FLYWCH1: variants seen among roughly 807,000 people sequenced by gnomAD.
The protein encoded by FLYWCH1 is FLYWCH-type zinc finger 1.
A neutral mutation model predicts 66.4 loss-of-function variants in FLYWCH1; 75 were observed. That is an observed-to-expected ratio of 1.13 (90% CI 0.94 to 1.37). The LOEUF is 1.37. Among genes scored for constraint, FLYWCH1 ranks in the 40% most tolerant of loss-of-function variants. The probability of loss-of-function intolerance (pLI) is 0.00; values close to 1 mark genes in which losing one functional copy is unlikely to be tolerated. For synonymous variants in FLYWCH1, 595 were observed against 429.9 expected (o/e 1.38, Z -4.75); for missense variants, 1,334 against 1,001.8 (o/e 1.33, Z -4.48).
At chr16:2,938,700 C>T (rs1292874513) in intron 8 of FLYWCH1, among the ~76,000 whole-genome samples, 5 of 95,050 alleles carry the variant, frequency 5.3e-5, no homozygotes, top group African/African-American at 1.4e-4. Context: ...GCAAGCTCCG[C>T]CTCCCGGGTT....
intron 6 of FLYWCH1, chr16:2,934,709 G>T (rs773708441): frequency 2.0e-5 from 9 of 454,774 alleles, no homozygotes; most frequent in Non-Finnish European, 4.4e-6. Context: ...GGACTTGAGA[G>T]CTGTGATTGT....
Position 2,933,542 on chromosome 16 carries a change from C to A in FLYWCH1, c.1209C>A (p.Pro403=), listed in dbSNP as rs763552806. The A allele has an allele frequency of 6.2e-7, 1 of 1,607,968 alleles. No homozygotes were observed. Among genetic ancestry groups the A allele is most frequent in the Non-Finnish European group, 8.5e-7 (1 of 1,177,010 alleles). The change falls in exon 5 of 10, where the codon CCC becomes CCA. Residue 403 remains proline (P), a synonymous_variant. Coordinates refer to ENST00000253928, the MANE Select transcript of FLYWCH1 (RefSeq NM_001308068.2). ...KVEDQELPTQ[P]EAPDEHQDMD... is the part of the protein sequence containing the mutation. Reference sequence around the variant, plus strand: ...AAGACCAGGAGCTGCCAACCCAGCCCGAGGCCCCAGACGAGCACCAGGACA... The same window carrying A: ...AAGACCAGGAGCTGCCAACCCAGCCAGAGGCCCCAGACGAGCACCAGGACA...
intron 2 of FLYWCH1, among the ~76,000 whole-genome samples, chr16:2,916,033 G>C (rs887216885): frequency 1.3e-5 from 2 of 151,954 alleles, no homozygotes; most frequent in African/African-American, 4.8e-5. Flanking sequence ...GTCTCCATAA[G>C]GAAACTTAGA....
Position 2,929,651 on chromosome 16 carries a change from G to A in FLYWCH1, c.-35G>A, listed in dbSNP as rs370976807. Reference sequence around the variant, plus strand: ...CACTCCAGGTTCCTTGCTGGGTGCTGAGCGTGGCCTGAGGGACAGGCCCTG... The same window carrying A: ...CACTCCAGGTTCCTTGCTGGGTGCTAAGCGTGGCCTGAGGGACAGGCCCTG... On this transcript the variant is annotated 5_prime_UTR_variant, in exon 3 of 10. Transcript: ENST00000253928. The A allele has an allele frequency of 3.9e-5, 62 of 1,588,268 alleles. No individual in the cohort carries two copies. The African/African-American group carries it at 7.5e-4, about 19-fold the overall frequency.
intron 8 of FLYWCH1, 27 bp from the exon 9 acceptor site, chr16:2,940,005 T>C: frequency 6.3e-7 from 1 of 1,582,514 alleles, no homozygotes. Context: ...GAATTATTAA[T>C]TCATATTTTC....
chr16:2,936,726 C>T (rs769387617), intron 6 of FLYWCH1: 85 of 474,948 alleles, frequency 1.8e-4, no homozygotes, highest in Non-Finnish European at 2.7e-4. Context: ...CCCCTCTCAG[C>T]CCCATCCGGC....
At chr16:2,945,330 A>G (rs2071432607) in intron 9 of FLYWCH1, among the ~76,000 whole-genome samples, 1 of 151,884 alleles carries the variant, frequency 6.6e-6, no homozygotes, top group Admixed American at 6.6e-5. Context: ...TACTAAAAAT[A>G]CAAAAATCAG....
chr16:2,947,316 G>T (rs1339234299), intron 9 of FLYWCH1, among the ~76,000 whole-genome samples: 1 of 152,232 alleles, frequency 6.6e-6, no homozygotes, highest in Admixed American at 6.5e-5. Context: ...TGGGGCAAGG[G>T]AAGCTGAGGA....
chr16:2,942,230 A>G (rs2071297920), intron 9 of FLYWCH1, among the ~76,000 whole-genome samples: 1 of 152,060 alleles, frequency 6.6e-6, no homozygotes, highest in East Asian at 1.9e-4. Context: ...CCCAGGCTGG[A>G]GTGCAGTGGT....
At chr16:2,918,147 CTTTTT>C (rs35609623) in intron 2 of FLYWCH1, among the ~76,000 whole-genome samples, 6 of 103,728 alleles carry the variant, frequency 5.8e-5, no homozygotes, top group South Asian at 3.3e-4. Context: ...CCTTGGATTC[CTTTTT>C]TTTTTTTTTT....
At chr16:2,945,540 C>T (rs2071443414) in intron 9 of FLYWCH1, among the ~76,000 whole-genome samples, 1 of 148,310 alleles carries the variant, frequency 6.7e-6, no homozygotes, top group East Asian at 2.0e-4. Context: ...CCTGTAATCC[C>T]AGCTACTTGG....
chr16:2,918,245 T>A (rs6500714), intron 2 of FLYWCH1, among the ~76,000 whole-genome samples: 4 of 145,358 alleles, frequency 2.8e-5, no homozygotes, highest in Non-Finnish European at 4.5e-5. Flanking sequence ...CCTCCCAGGC[T>A]CACACCATTC....
In FLYWCH1 at chr16:2,937,052, C is replaced by G. The variant is rs999083574; in HGVS notation, c.1514-69C>G. On this transcript the variant is annotated intron_variant, in intron 6 of 9. Transcript: ENST00000253928. ...GTGTGGGCGTTGTGGGAGGTCTCATCTCGGGGCCATGCTGATCTGGGCTCT... is the reference window on the plus strand; with the variant it reads ...GTGTGGGCGTTGTGGGAGGTCTCATGTCGGGGCCATGCTGATCTGGGCTCT... The G allele has an allele frequency of 4.0e-6, 5 of 1,243,612 alleles. No individual in the cohort carries two copies. The East Asian group carries it at 1.1e-4, about 28-fold the overall frequency. 77.0% of individuals were successfully genotyped at this position (1,243,612 alleles called of 1,614,324 possible).
At chr16:2,938,676 G>A (rs1398019958) in intron 8 of FLYWCH1, among the ~76,000 whole-genome samples, 33 of 140,112 alleles carry the variant, frequency 2.4e-4, no homozygotes, top group Middle Eastern at 3.9e-3. Flanking sequence ...GCACTGGCGC[G>A]ATCTCGGCTC....
rs774845607 is a variant in FLYWCH1 at position 2,938,401 on chromosome 16, GGAGGCCTT to G, written c.2001_2008del (p.Leu668ThrfsTer28). On this transcript the variant is annotated frameshift_variant, in exon 8 of 10. Transcript: ENST00000253928. LOFTEE classifies it high-confidence loss of function. ...GCCATCAGCCTGACCTGGCAGGCCT[GGAGGCCTT>G]GAGGCAACGGGAGCGGCTCCCCACC... 1 of 1,552,542 alleles carries G rather than the reference GGAGGCCTT, an allele frequency of 6.4e-7. No individual in the cohort carries two copies. Among genetic ancestry groups the G allele is most frequent in the Non-Finnish European group, 8.7e-7 (1 of 1,148,556 alleles).
chr16:2,937,398 G>A lies in FLYWCH1; in HGVS notation c.1777+14G>A, dbSNP rs781365604. 2.0e-6 allele frequency: 3 copies of A among 1,521,834 alleles called. No homozygotes were observed. The highest frequency in any genetic ancestry group is 2.3e-5 in the East Asian group (1 of 43,806). 94.3% of individuals were successfully genotyped at this position (1,521,834 alleles called of 1,614,324 possible). ...GGGACAGCCCAGGTGCGTGTGGAGG[G>A]TGCTGGGCTGGGTCTGCCTGGTCTC... On this transcript the variant is annotated intron_variant, in intron 7 of 9. Coordinates refer to ENST00000253928, the MANE Select transcript of FLYWCH1 (RefSeq NM_001308068.2).
chr16:2,939,966 C>T (rs2071192531), intron 8 of FLYWCH1, 66 bp from the exon 9 acceptor site: 1 of 1,538,816 alleles, frequency 6.5e-7, no homozygotes, highest in African/African-American at 1.4e-5. Context: ...AGGTGTGTGT[C>T]CTTGGTTCTG....
Position 2,933,877 on chromosome 16 carries a change from G to A in FLYWCH1, c.1411G>A (p.Val471Met), listed in dbSNP as rs1324874295. 6.3e-7 allele frequency: 1 copy of A among 1,598,140 alleles called. No individual in the cohort carries two copies. ...CCGCGCCATCACCCAGGGCCGACGGGTGACTGTCATGCGTGGTCACTGCCA... is the reference window on the plus strand; with the variant it reads ...CCGCGCCATCACCCAGGGCCGACGGATGACTGTCATGCGTGGTCACTGCCA... ...RSRAITQGRR[V>M]TVMRGHCHPP... Residue 471 changes from valine to methionine, a missense_variant, in exon 6 of 10, where the codon GTG (valine) becomes ATG (methionine). Val to Met is a conservative substitution (Grantham distance 21). Transcript: ENST00000253928.
chr16:2,943,447 C>T (rs747118149), intron 9 of FLYWCH1: 3 of 151,616 alleles, frequency 2.0e-5, no homozygotes, highest in Non-Finnish European at 4.4e-5. Flanking sequence ...GTGAGTCCCT[C>T]AAGTGCAGTC....
Sources: allele counts gnomAD v4.1 joint callset (sites outside exome capture counted in the v4.1 genomes callset), GRCh38; gene constraint gnomAD v4.1.1; transcripts MANE v1.5; gene names NCBI Gene and HGNC (gene_info 2026-07-23, HGNC 2026-07-21).